Variants in RNF212B observed in about 807,000 individuals in gnomAD.
RNF212B encodes E3 ubiquitin-protein ligase RNF212B.
In RNF212B, 52 loss-of-function variants were observed where a neutral mutation model predicts 55.5. That is an observed-to-expected ratio of 0.94 (90% CI 0.75 to 1.18). The LOEUF is 1.18. Among genes scored for constraint, RNF212B ranks in the 50% most tolerant of loss-of-function variants. The probability of loss-of-function intolerance (pLI) is 0.00; values close to 1 mark genes in which losing one functional copy is unlikely to be tolerated. For missense variants in RNF212B, 289 were observed against 350.4 expected, an observed-to-expected ratio of 0.82 and a Z score of 1.40; for synonymous variants, 99 against 121.4, an observed-to-expected ratio of 0.82 and a Z score of 1.21.
At chr14:23,231,118 T>A (rs879227537) in intron 2 of RNF212B, among the ~76,000 whole-genome samples, 1 of 152,220 alleles carries the variant, frequency 6.6e-6, no homozygotes, top group African/African-American at 2.4e-5. Context: ...AAATTTTATA[T>A]TAATTTTAGG....
intron 2 of RNF212B, among the ~76,000 whole-genome samples, chr14:23,206,121 C>T (rs1344877558): frequency 6.6e-6 from 1 of 152,158 alleles, no homozygotes; most frequent in African/African-American, 2.4e-5. Context: ...GTCAGCCAGG[C>T]TGGAGTGCAG....
intron 4 of RNF212B, among the ~76,000 whole-genome samples, chr14:23,249,666 G>T (rs1466275070): frequency 6.6e-6 from 1 of 152,160 alleles, no homozygotes; most frequent in Non-Finnish European, 1.5e-5. Context: ...CATCACTACT[G>T]AGCAGGGGAT....
At chr14:23,204,596 A>G (rs963580817) in intron 2 of RNF212B, among the ~76,000 whole-genome samples, 28 of 152,144 alleles carry the variant, frequency 1.8e-4, no homozygotes, top group Admixed American at 1.4e-3. Flanking sequence ...CTATTTTTAT[A>G]CCAGTACCAT....
intron 2 of RNF212B, among the ~76,000 whole-genome samples, chr14:23,231,664 T>C (rs984933585): frequency 2.0e-5 from 3 of 151,908 alleles, no homozygotes; most frequent in African/African-American, 7.2e-5. Context: ...TCTCCCTCTC[T>C]TTCCATGGTC....
chr14:23,196,824 C>T (rs150777525), intron 2 of RNF212B, among the ~76,000 whole-genome samples: 1 of 152,186 alleles, frequency 6.6e-6, no homozygotes, highest in African/African-American at 2.4e-5. Context: ...TGCTATTCAT[C>T]CTTCTGATTT....
intron 14 of RNF212B, chr14:23,272,510 A>G: frequency 2.7e-6 from 1 of 364,616 alleles, no homozygotes; most frequent in Non-Finnish European, 5.1e-6. Flanking sequence ...TCAGAGGCCT[A>G]AGAACTCTGC....
chr14:23,261,857 C>T (rs998339689), intron 7 of RNF212B, among the ~76,000 whole-genome samples: 8 of 151,980 alleles, frequency 5.3e-5, no homozygotes, highest in Admixed American at 1.3e-4. Flanking sequence ...CCCAGCTGCT[C>T]GGGAGGCTGA....
At chr14:23,261,956 G>T (rs535003343) in intron 7 of RNF212B, among the ~76,000 whole-genome samples, 178 of 146,100 alleles carry the variant, frequency 1.2e-3, no homozygotes, top group Non-Finnish European at 2.0e-3. Context: ...TGACAGAGTG[G>T]GACTCTGTCT....
At chr14:23,258,849 C>G (rs1885063273) in intron 5 of RNF212B, among the ~76,000 whole-genome samples, 185 bp downstream of exon 5, 1 of 151,764 alleles carries the variant, frequency 6.6e-6, no homozygotes, top group Non-Finnish European at 1.5e-5. Flanking sequence ...TCCAGAGGCC[C>G]TCCTCACTTT....
At chr14:23,233,729 G>A, upstream of RNF212B, among the ~76,000 whole-genome samples, 1 of 133,170 alleles carries the variant, frequency 7.5e-6, no homozygotes, top group African/African-American at 2.9e-5. Context: ...GCAACAGAGT[G>A]AGACCCTGTC....
At chr14:23,200,403 G>A (rs1251880949) in intron 2 of RNF212B, among the ~76,000 whole-genome samples, 1 of 151,854 alleles carries the variant, frequency 6.6e-6, no homozygotes, top group Non-Finnish European at 1.5e-5. Context: ...TTGGCCCACT[G>A]CAACCTCTGC....
intron 2 of RNF212B, among the ~76,000 whole-genome samples, chr14:23,232,143 A>G (rs1363851383): frequency 8.4e-6 from 1 of 118,454 alleles, no homozygotes; most frequent in Non-Finnish European, 1.8e-5. Flanking sequence ...CCGGCTGCCC[A>G]CTCTGGGAAG....
chr14:23,218,367 CA>C (rs35628249), intron 2 of RNF212B, among the ~76,000 whole-genome samples: 2 of 94,284 alleles, frequency 2.1e-5, no homozygotes, highest in Non-Finnish European at 4.5e-5. Context: ...GAGTCTATCT[CA>C]AAAAAAAAAA....
At chr14:23,203,757 C>T (rs1879560551) in intron 2 of RNF212B, among the ~76,000 whole-genome samples, 2 of 152,152 alleles carry the variant, frequency 1.3e-5, no homozygotes, top group Non-Finnish European at 2.9e-5. Context: ...GGATTACAGG[C>T]ATGAGCCACC....
At chr14:23,269,727 A>G in intron 12 of RNF212B, 136 bp from the exon 13 acceptor site, 1 of 601,552 alleles carries the variant, frequency 1.7e-6, no homozygotes. Flanking sequence ...AAAAAAAAGA[A>G]AAAATTATCA....
At chr14:23,212,542 CTTTATTT>C (rs971169215) in intron 2 of RNF212B, among the ~76,000 whole-genome samples, 13 of 151,950 alleles carry the variant, frequency 8.6e-5, no homozygotes, top group African/African-American at 3.1e-4. Context: ...GAAATTTAAA[CTTTATTT>C]TTTATTTTTA....
chr14:23,190,491 C>T (rs534267656), intron 1 of RNF212B, among the ~76,000 whole-genome samples: 1 of 152,272 alleles, frequency 6.6e-6, no homozygotes, highest in South Asian at 2.1e-4. Context: ...CTCATATATC[C>T]TACATTTGGT....
chr14:23,214,884 C>T (rs1880916548), intron 2 of RNF212B, among the ~76,000 whole-genome samples: 1 of 152,050 alleles, frequency 6.6e-6, no homozygotes, highest in Non-Finnish European at 1.5e-5. Context: ...GAGTGAACTT[C>T]AAGAAGAATA....
At chr14:23,223,705 CT>C (rs975944334) in intron 2 of RNF212B, among the ~76,000 whole-genome samples, 2 of 152,128 alleles carry the variant, frequency 1.3e-5, no homozygotes, top group Non-Finnish European at 2.9e-5. Flanking sequence ...ATTTTCACCA[CT>C]GTTATTCAAC....
Sources: allele counts gnomAD v4.1 joint callset (sites outside exome capture counted in the v4.1 genomes callset), GRCh38; gene constraint gnomAD v4.1.1; transcripts MANE v1.5; gene names NCBI Gene and HGNC (gene_info 2026-07-23, HGNC 2026-07-21).